The following ZNF221 variants were observed in gnomAD, a reference collection of about 807,000 sequenced individuals.
ZNF221 encodes zinc finger protein 221.
A neutral mutation model predicts 12.6 loss-of-function variants in ZNF221; 10 were observed. That is an observed-to-expected ratio of 0.79 (90% CI 0.49 to 1.34). The LOEUF is 1.34. Among genes scored for constraint, ZNF221 ranks in the 40% most tolerant of loss-of-function variants. The probability of loss-of-function intolerance (pLI) is 0.00; values close to 1 mark genes in which losing one functional copy is unlikely to be tolerated. For missense variants in ZNF221, 661 were observed against 721.4 expected, an observed-to-expected ratio of 0.92 and a Z score of 0.96; for synonymous variants, 232 against 244.0, an observed-to-expected ratio of 0.95 and a Z score of 0.46.
chr19:43,962,014 G>C (rs760563405), intron 1 of ZNF221: 5 of 152,030 alleles, frequency 3.3e-5, no homozygotes, highest in Non-Finnish European at 4.4e-5. Flanking sequence ...CGTTTCTTAC[G>C]GGAGATACAT....
chr19:43,955,201 C>T (rs919104596), intron 1 of ZNF221, among the ~76,000 whole-genome samples: 2 of 151,964 alleles, frequency 1.3e-5, no homozygotes, highest in Non-Finnish European at 2.9e-5. Flanking sequence ...GCTGTCAAGA[C>T]CCATCTGTAG....
At chr19:43,957,769 G>T (rs1974779915) in intron 1 of ZNF221, among the ~76,000 whole-genome samples, 1 of 152,094 alleles carries the variant, frequency 6.6e-6, no homozygotes, top group African/African-American at 2.4e-5. Flanking sequence ...AATCTGATAA[G>T]GCTTCTAGGA....
downstream of ZNF221, among the ~76,000 whole-genome samples, chr19:43,971,358 A>C (rs761324860): frequency 6.6e-6 from 1 of 152,240 alleles, no homozygotes; most frequent in Admixed American, 6.5e-5. Context: ...ACAAGTCTGC[A>C]AAATAACCAG....
chr19:43,968,446 T>A (rs1317861848), downstream of ZNF221, among the ~76,000 whole-genome samples: 1 of 152,216 alleles, frequency 6.6e-6, no homozygotes, highest in East Asian at 1.9e-4. Context: ...GCACTTTGTA[T>A]GTGTGTTTGG....
Position 43,967,223 on chromosome 19 carries a change from C to T in ZNF221, c.1721C>T (p.Ala574Val). 6.2e-7 allele frequency: 1 copy of T among 1,614,106 alleles called. No individual in the cohort carries two copies. The highest frequency in any genetic ancestry group is 2.2e-5 in the East Asian group (1 of 44,874). ...CKECGKSFGW[A>V]SCLLKHQRLH... ...GAATGTGGAAAGAGCTTTGGCTGGGCTTCATGTCTTTTGAAACATCAGAGA... is the reference window on the plus strand; with the variant it reads ...GAATGTGGAAAGAGCTTTGGCTGGGTTTCATGTCTTTTGAAACATCAGAGA... The change falls in exon 5 of 5, where the codon GCT becomes GTT. Residue 574 changes from alanine (A) to valine (V), a missense_variant. Ala to Val is a moderately conservative substitution (Grantham distance 64, BLOSUM62 0). Transcript: ENST00000587682.
chr19:43,960,013 A>G (rs1599815150), intron 1 of ZNF221, among the ~76,000 whole-genome samples: 1 of 152,176 alleles, frequency 6.6e-6, no homozygotes, highest in South Asian at 2.1e-4. Context: ...AGCCATGGGA[A>G]CTTCTTACAG....
At chr19:43,967,825 T>C (rs374412321), downstream of ZNF221, 202 of 183,498 alleles carry the variant, frequency 1.1e-3, 1 homozygote, top group African/African-American at 4.5e-3. Flanking sequence ...GTGGAGATAA[T>C]CCATACAAAT....
chr19:43,972,968 A>T, the ZNF221 span, among the ~76,000 whole-genome samples: 3 of 152,184 alleles, frequency 2.0e-5, no homozygotes, highest in Non-Finnish European at 4.4e-5. Flanking sequence ...ACTTCAGGCC[A>T]GTATCCCTGA....
intron 1 of ZNF221, among the ~76,000 whole-genome samples, chr19:43,959,903 C>G (rs1209637119): frequency 4.6e-5 from 7 of 151,930 alleles, no homozygotes; most frequent in Admixed American, 4.6e-4. Flanking sequence ...GGCTCTGGAA[C>G]TGGCTAATGG....
chr19:43,970,847 A>T (rs1568481343), downstream of ZNF221, among the ~76,000 whole-genome samples: 1 of 152,230 alleles, frequency 6.6e-6, no homozygotes, highest in Non-Finnish European at 1.5e-5. Context: ...ATACTTTAGG[A>T]TGTTATCCAG....
Position 43,967,325 on chromosome 19 carries a change from CA to C in ZNF221, c.1824del (p.Val609Ter), listed in dbSNP as rs1296668931. ...TCAGAATTCACAGCTTCATTTACATCAGTAAGTCTATGTGGGAGAAAAGCCA... is the reference window on the plus strand; with the variant it reads ...TCAGAATTCACAGCTTCATTTACATCGTAAGTCTATGTGGGAGAAAAGCCA... Reference protein sequence around the residue: ...IYSEFTASFTSVSLCGRKAI With the variant: ...IYSEFTASFTXVSLCGRKAI On this transcript the variant is annotated frameshift_variant, in exon 5 of 5. Transcript: ENST00000587682. LOFTEE classifies it low-confidence loss of function (END_TRUNC). 1.4e-5 allele frequency: 23 copies of C among 1,613,120 alleles called. No individual in the cohort carries two copies. The highest frequency in any genetic ancestry group is 1.9e-5 in the Non-Finnish European group (23 of 1,179,618).
chr19:43,970,035 CT>C (rs1399001507), downstream of ZNF221, among the ~76,000 whole-genome samples: 6 of 152,198 alleles, frequency 3.9e-5, no homozygotes, highest in African/African-American at 2.4e-5. Flanking sequence ...CAGTATCCCC[CT>C]GGGACAGAGT....
At chr19:43,978,303 G>T in the ZNF221 span, 1 of 152,170 alleles carries the variant, frequency 6.6e-6, no homozygotes, top group Admixed American at 6.5e-5. Context: ...AAAGGCCAGT[G>T]TTGCAAACAG....
At position 43,966,660 on chromosome 19, in the gene ZNF221, G is replaced by A; in HGVS notation, c.1158G>A (p.Met386Ile). Residue 386 changes from methionine (M) to isoleucine (I), a missense_variant, in exon 5 of 5, where the codon ATG becomes ATA. Met to Ile is a conservative substitution (Grantham distance 10, BLOSUM62 1). Coordinates refer to ENST00000587682, the MANE Select transcript of ZNF221 (RefSeq NM_001297588.2). ...GGCGAGATTTTTGTAAGCATCAGAT[G>A]GTCCACACAGGAGAGAAACCATATA... ...ICRRDFCKHQ[M>I]VHTGEKPYNC... is the part of the protein sequence containing the mutation. 6.2e-7 allele frequency: 1 copy of A among 1,612,724 alleles called. No homozygotes were observed. Among genetic ancestry groups the A allele is most frequent in the Non-Finnish European group, 8.5e-7 (1 of 1,179,630 alleles).
Position 43,965,290 on chromosome 19 carries a change from A to C in ZNF221, c.266A>C (p.Lys89Thr). 2 of 1,613,828 alleles carry C rather than the reference A, an allele frequency of 1.2e-6. No individual in the cohort carries two copies. Among genetic ancestry groups the C allele is most frequent in the Non-Finnish European group, 1.7e-6 (2 of 1,179,846 alleles). Residue 89 changes from lysine (K) to threonine (T), a missense_variant, in exon 4 of 5, where the codon AAG (lysine) becomes ACG (threonine). Lys to Thr is a moderately conservative substitution (Grantham distance 78). Transcript: ENST00000587682. ...FHFLGKEKFW[K>T]MKTTSQREGN... ...TTCTTAGGGAAGGAAAAGTTTTGGAAGATGAAGACAACAAGCCAAAGAGAA... is the reference window on the plus strand; with the variant it reads ...TTCTTAGGGAAGGAAAAGTTTTGGACGATGAAGACAACAAGCCAAAGAGAA...
chr19:43,973,304 C>CA, the ZNF221 span, among the ~76,000 whole-genome samples: 6 of 152,072 alleles, frequency 3.9e-5, no homozygotes, highest in Non-Finnish European at 7.4e-5. Flanking sequence ...ACTGAGTGGG[C>CA]AAAAGTTGTA....
At chr19:43,951,918 G>A (rs967572391) in intron 1 of ZNF221, among the ~76,000 whole-genome samples, 2 of 128,832 alleles carry the variant, frequency 1.6e-5, no homozygotes, top group African/African-American at 5.9e-5. Context: ...CTGTCGCCCA[G>A]GCTGGAGTGC....
intron 1 of ZNF221, among the ~76,000 whole-genome samples, chr19:43,952,888 C>T (rs1013120755): frequency 2.6e-5 from 4 of 151,828 alleles, no homozygotes; most frequent in Admixed American, 1.3e-4. Flanking sequence ...TGCAGAAATA[C>T]GACAAGAAAA....
the ZNF221 span, among the ~76,000 whole-genome samples, chr19:43,977,683 GT>G: frequency 6.6e-6 from 1 of 152,216 alleles, no homozygotes; most frequent in Non-Finnish European, 1.5e-5. Flanking sequence ...GCTGATTTGG[GT>G]GCTAATTCAT....
Sources: allele counts gnomAD v4.1 joint callset (sites outside exome capture counted in the v4.1 genomes callset), GRCh38; gene constraint gnomAD v4.1.1; transcripts MANE v1.5; gene names NCBI Gene and HGNC (gene_info 2026-07-23, HGNC 2026-07-21).